The following SDK1 variants were observed in gnomAD, a reference collection of about 807,000 sequenced individuals.
SDK1 encodes the protein sidekick cell adhesion molecule 1, also known as protein sidekick-1.
SDK1 carries 157 observed loss-of-function variants against 245.5 expected under a neutral mutation model. The observed-to-expected ratio is 0.64, with a 90% CI of 0.56 to 0.73. The LOEUF is 0.73. Ranked by LOEUF, SDK1 falls within the 30% of genes least tolerant of loss-of-function variation. The pLI is 0.00. For missense variants in SDK1, 3,583 were observed against 3,002.3 expected, an observed-to-expected ratio of 1.19 and a Z score of -4.52; for synonymous variants, 1,647 against 1,278.5, an observed-to-expected ratio of 1.29 and a Z score of -6.15.
At chr7:3,787,030 T>C (rs910896691) in intron 4 of SDK1, among the ~76,000 whole-genome samples, 1 of 152,138 alleles carries the variant, frequency 6.6e-6, no homozygotes, top group Non-Finnish European at 1.5e-5. Flanking sequence ...CCATACACTT[T>C]AGTGGTGGTT....
At chr7:4,261,786 C>G (rs531648704) in intron 44 of SDK1, among the ~76,000 whole-genome samples, 69 of 152,140 alleles carry the variant, frequency 4.5e-4, no homozygotes, top group Admixed American at 6.5e-4. Context: ...GTCTGCCTGA[C>G]CCCTGTGAGA....
intron 1 of SDK1, among the ~76,000 whole-genome samples, chr7:3,336,225 TTC>T (rs1780196047): frequency 7.2e-5 from 11 of 152,306 alleles, no homozygotes; most frequent in African/African-American, 2.6e-4. Context: ...GGCAGCATGC[TTC>T]GGTTCCCCAC....
chr7:3,559,509 G>T (rs1779684429), intron 1 of SDK1, among the ~76,000 whole-genome samples: 1 of 152,052 alleles, frequency 6.6e-6, no homozygotes, highest in Non-Finnish European at 1.5e-5. Flanking sequence ...CTTAGAAGCA[G>T]CCTGGTTCAG....
At chr7:4,227,326 C>T (rs552029311) in intron 40 of SDK1, 3 of 467,276 alleles carry the variant, frequency 6.4e-6, no homozygotes, top group African/African-American at 4.0e-5. Context: ...GCCCGGCTTC[C>T]CACCCCTTCC....
chr7:4,072,028 C>T (rs73671514), intron 20 of SDK1, among the ~76,000 whole-genome samples: 6,286 of 152,318 alleles, frequency 0.041, 470 homozygotes, highest in African/African-American at 0.14. Context: ...CACGTTGAGC[C>T]AACATTTCAC....
intron 8 of SDK1, among the ~76,000 whole-genome samples, chr7:3,961,065 C>T (rs1781641239): frequency 6.6e-6 from 1 of 152,138 alleles, no homozygotes; most frequent in African/African-American, 2.4e-5. Flanking sequence ...TTTTTTTGCA[C>T]GACTTCTGCA....
intron 16 of SDK1, among the ~76,000 whole-genome samples, chr7:4,012,820 C>T (rs1022746508): frequency 2.6e-5 from 4 of 151,882 alleles, no homozygotes; most frequent in Non-Finnish European, 5.9e-5. Flanking sequence ...GTGACCTGTC[C>T]TCCTCAGCCT....
At chr7:4,230,363 T>C (rs1045214519) in intron 40 of SDK1, among the ~76,000 whole-genome samples, 2 of 128,058 alleles carry the variant, frequency 1.6e-5, no homozygotes, top group African/African-American at 6.1e-5. Flanking sequence ...CCTGGATGGA[T>C]AGATGGATGG....
rs1787327350 is a variant in SDK1 at position 4,026,126 on chromosome 7, C to T, written c.2602+8774C>T. Among the ~76,000 whole-genome samples, 1 of 152,240 alleles carries T rather than the reference C, an allele frequency of 6.6e-6. No homozygotes were observed. Among genetic ancestry groups the T allele is most frequent in the South Asian group, 2.1e-4 (1 of 4,834 alleles). ...GCGCTGGTCTTCCACAGTCCCCATG[C>T]TGTATGGAAAAGGCCCCTTGCCCCA... On this transcript the variant is annotated intron_variant, in intron 17 of 44. Transcript: ENST00000404826. This position sits in a 1 kb window ranked among gnomAD's most constrained non-coding sequence, Gnocchi z 4.1.
chr7:4,190,133 C>A (rs546594786), intron 35 of SDK1, among the ~76,000 whole-genome samples: 1 of 152,302 alleles, frequency 6.6e-6, no homozygotes, highest in East Asian at 1.9e-4. Flanking sequence ...TGAATGGCAC[C>A]TGTTTACAGG....
chr7:3,875,228 G>T (rs1418964452), intron 5 of SDK1, among the ~76,000 whole-genome samples: 1 of 152,080 alleles, frequency 6.6e-6, no homozygotes, highest in Non-Finnish European at 1.5e-5. Context: ...CTGTACCCTT[G>T]GTTCTCTGAC....
intron 1 of SDK1, among the ~76,000 whole-genome samples, chr7:3,590,399 ACT>A (rs1780830937): frequency 6.6e-6 from 1 of 151,042 alleles, no homozygotes; most frequent in Non-Finnish European, 1.5e-5. Flanking sequence ...GGAAAATCAA[ACT>A]CTGCAGAACA....
intron 1 of SDK1, among the ~76,000 whole-genome samples, chr7:3,592,967 T>G (rs920612864): frequency 4.3e-4 from 65 of 152,342 alleles, no homozygotes; most frequent in African/African-American, 1.5e-3. Flanking sequence ...CAGCTGGGAC[T>G]TGTACCTAGG....
intron 20 of SDK1, among the ~76,000 whole-genome samples, 195 bp from the exon 21 acceptor site, chr7:4,076,803 C>T (rs767046586): frequency 9.2e-5 from 14 of 152,074 alleles, no homozygotes; most frequent in Admixed American, 7.2e-4. Context: ...AGCAGGTTTA[C>T]GAGATCGCAT....
intron 1 of SDK1, among the ~76,000 whole-genome samples, chr7:3,607,920 A>C (rs1026065062): frequency 1.2e-4 from 19 of 152,232 alleles, no homozygotes; most frequent in African/African-American, 4.6e-4. Flanking sequence ...TGGTTCAAGA[A>C]CCTGTGGCAG....
chr7:3,847,059 T>C (rs1780298148), intron 5 of SDK1, among the ~76,000 whole-genome samples: 1 of 149,232 alleles, frequency 6.7e-6, no homozygotes, highest in Admixed American at 6.7e-5. Flanking sequence ...TCACGCTTCT[T>C]TTTTTTTTTG....
chr7:3,401,235 C>G (rs1007531215), intron 1 of SDK1, among the ~76,000 whole-genome samples: 3 of 152,108 alleles, frequency 2.0e-5, no homozygotes, highest in African/African-American at 7.2e-5. Context: ...AATCACATGA[C>G]AAGATTTGGG....
chr7:3,629,305 AAAAAAAG>A lies in SDK1; in HGVS notation c.459-9692_459-9686del, dbSNP rs771426867. Among the ~76,000 whole-genome samples, 355 of 88,352 alleles carry A rather than the reference AAAAAAAG, an allele frequency of 4.0e-3. 3 individuals are homozygous for A. Among genetic ancestry groups the A allele is most frequent in the South Asian group, 0.035 (78 of 2,246 alleles). The allele number at this position is 88,352 out of a possible 152,430, so 58.0% of individuals were successfully genotyped here. A position where few individuals can be genotyped will look rare whatever the true frequency, so the allele number is the denominator to read the frequency against. On this transcript the variant is annotated intron_variant, in intron 2 of 44. Coordinates refer to ENST00000404826, the MANE Select transcript of SDK1 (RefSeq NM_152744.4). ...GACAGTACAATTCTCAGTCTCAAAA[AAAAAAAG>A]AAAAAAAAGAAAAAAAAGAAAAAAG...
At chr7:4,157,448 AGGGAGGT>A (rs1562899730) in intron 30 of SDK1, among the ~76,000 whole-genome samples, 4 of 41,264 alleles carry the variant, frequency 9.7e-5, no homozygotes, top group African/African-American at 2.1e-4. Context: ...AAAGGAGGGA[AGGGAGGT>A]GGAAGGGAGA....
Sources: gnomAD v4.1 joint callset for allele counts (sites outside exome capture counted in the v4.1 genomes callset) on GRCh38, gnomAD v4.1.1 for gene constraint, Gnocchi (gnomAD v3.1) non-coding constraint, MANE v1.5 for transcripts, NCBI Gene and HGNC (gene_info 2026-07-23, HGNC 2026-07-21) for gene names.